HARS2: variants seen among roughly 807,000 people sequenced by gnomAD.
HARS2 encodes histidyl-tRNA synthetase 2, mitochondrial.
HARS2 carries 40 observed loss-of-function variants against 62.4 expected under a neutral mutation model. That is an observed-to-expected ratio of 0.64 (90% CI 0.50 to 0.83). The LOEUF is 0.83. HARS2 is among the 40% of genes least tolerant of loss of function. The probability of loss-of-function intolerance (pLI) is 0.00; values close to 1 mark genes in which losing one functional copy is unlikely to be tolerated. For synonymous variants in HARS2, 228 were observed against 227.0 expected (o/e 1.00, Z -0.04); for missense variants, 569 against 626.4 (o/e 0.91, Z 0.98).
rs1256299737 is a variant in HARS2, at chr5:140,694,922, G to T, written c.400-586G>T. ...GATTGCGCCATTGCACTCCAGCCTG[G>T]GTGACAAGAGCAAAACTCTGTCTCA... is the stretch of plus-strand genomic sequence containing the variant. On this transcript the variant is annotated intron_variant, in intron 4 of 12. Transcript: ENST00000230771. Among the ~76,000 whole-genome samples the T allele has an allele frequency of 1.1e-4, 16 of 152,254 alleles. No homozygotes were observed. In the East Asian group the frequency reaches 2.7e-3, roughly 26 times the overall value.
intron 8 of HARS2, 63 bp from the exon 9 acceptor site, chr5:140,696,880 C>T (rs543473213): frequency 5.2e-5 from 62 of 1,182,252 alleles, no homozygotes; most frequent in Middle Eastern, 5.6e-4. Flanking sequence ...AGCTAGAGCA[C>T]ATTAGGGATA....
chr5:140,693,632 A>C lies in HARS2; in HGVS notation c.150A>C (p.Gln50His), dbSNP rs770057173. ...AVLTSQLKAHQEKPNFIIKTP... is the reference protein window; with the variant it reads ...AVLTSQLKAHHEKPNFIIKTP... ...TAACATCCCAACTGAAAGCACATCA[A>C]GAGAAACCAAATTTTATTATCAAGA... The change falls in exon 2 of 13, where the codon CAA becomes CAC. Residue 50 changes from glutamine (Q) to histidine (H), a missense_variant. Transcript: ENST00000230771. 1.2e-6 allele frequency: 2 copies of C among 1,614,108 alleles called. No homozygotes were observed. The highest frequency in any genetic ancestry group is 8.5e-7 in the Non-Finnish European group (1 of 1,179,940).
At chr5:140,695,447 T>G in intron 4 of HARS2, 61 bp from the exon 5 acceptor site, 1 of 1,596,900 alleles carries the variant, frequency 6.3e-7, no homozygotes. Context: ...CTCCCTAATG[T>G]CTGTATACTG....
intron 11 of HARS2, 93 bp downstream of exon 11, chr5:140,697,778 C>G: frequency 7.9e-7 from 1 of 1,260,398 alleles, no homozygotes; most frequent in Non-Finnish European, 1.2e-6. Context: ...GAACTCAAAA[C>G]CTTTTTAGTC....
Position 140,696,039 on chromosome 5 carries a change from A to T in HARS2, c.634-64A>T, listed in dbSNP as rs1343745224. 26 of 1,173,168 alleles carry T rather than the reference A, an allele frequency of 2.2e-5. No individual in the cohort carries two copies. In the East Asian group the frequency reaches 6.1e-4, roughly 27 times the overall value. 72.7% of individuals were successfully genotyped at this position (1,173,168 alleles called of 1,614,324 possible). On this transcript the variant is annotated intron_variant, in intron 6 of 12. Transcript: ENST00000230771. ...CTTTTTGTGTGTCAGGAAAGTAGGT[A>T]CTGCCATTGTTTTGAGTGGAAGGGC...
At chr5:140,693,331 CAAAAA>C in intron 1 of HARS2, 3 of 567,358 alleles carry the variant, frequency 5.3e-6, no homozygotes, top group Non-Finnish European at 6.0e-6. Flanking sequence ...GACTCTGTCT[CAAAAA>C]AAAAAAAAAA....
In HARS2 at chr5:140,694,181, A is replaced by G. The variant is rs368989873; in HGVS notation, c.304-4A>G. The G allele has an allele frequency of 7.4e-5, 120 of 1,611,242 alleles. 1 individual carries two copies. Among genetic ancestry groups the G allele is most frequent in the South Asian group, 5.6e-4 (51 of 91,018 alleles). On this transcript the variant is annotated splice_polypyrimidine_tract_variant and splice_region_variant and intron_variant, in intron 3 of 12. Transcript: ENST00000230771. ...CTGTGGCTCATTCTGTTTGACCCCTATAGGAAACCCTGACTGAGAAGTATG... is the reference window on the plus strand; with the variant it reads ...CTGTGGCTCATTCTGTTTGACCCCTGTAGGAAACCCTGACTGAGAAGTATG...
chr5:140,695,942 C>T lies in HARS2; in HGVS notation c.633+97C>T, dbSNP rs750937998. Reference sequence around the variant, plus strand: ...TGGGTGACTCCAACCCTTAAGCCTGCAACTGTAGGACTTTCCTAGTAAAGC... The same window carrying T: ...TGGGTGACTCCAACCCTTAAGCCTGTAACTGTAGGACTTTCCTAGTAAAGC... On this transcript the variant is annotated intron_variant, in intron 6 of 12. Transcript: ENST00000230771. 2.2e-5 allele frequency: 22 copies of T among 1,017,780 alleles called. 1 individual carries two copies. The highest frequency in any genetic ancestry group is 3.5e-5 in the Non-Finnish European group (22 of 635,538). The allele number at this position is 1,017,780 out of a possible 1,614,324, so 63.0% of individuals were successfully genotyped here.
At chr5:140,695,942 C>A in intron 6 of HARS2, 97 bp downstream of exon 6, 1 of 1,017,900 alleles carries the variant, frequency 9.8e-7, no homozygotes, top group Non-Finnish European at 1.6e-6. Flanking sequence ...CTTAAGCCTG[C>A]AACTGTAGGA....
At position 140,691,636 on chromosome 5, in the gene HARS2, G is replaced by A; in HGVS notation, c.-13G>A. On this transcript the variant is annotated 5_prime_UTR_variant, in exon 1 of 13. Transcript: ENST00000230771. ...TTTGTTCCTGTCCCGGAAAGCCGGCGTCCTGCCGCGCGATGCCCCTGCTCG... is the reference window on the plus strand; with the variant it reads ...TTTGTTCCTGTCCCGGAAAGCCGGCATCCTGCCGCGCGATGCCCCTGCTCG... 1 of 1,531,750 alleles carries A rather than the reference G, an allele frequency of 6.5e-7. No individual in the cohort carries two copies. The highest frequency in any genetic ancestry group is 8.9e-7 in the Non-Finnish European group (1 of 1,129,718). The allele number at this position is 1,531,750 out of a possible 1,614,324, so 94.9% of individuals were successfully genotyped here.
intron 1 of HARS2, chr5:140,693,371 G>C: frequency 1.2e-6 from 1 of 826,980 alleles, no homozygotes; most frequent in South Asian, 1.6e-5. Flanking sequence ...GAGGAAGCTT[G>C]TGTGGTGAAG....
In HARS2 at chr5:140,691,762, C is replaced by A. The variant is rs1471119048; in HGVS notation, c.108+6C>A. 1.3e-6 allele frequency: 2 copies of A among 1,537,638 alleles called. No homozygotes were observed. Among genetic ancestry groups the A allele is most frequent in the Non-Finnish European group, 1.8e-6 (2 of 1,134,728 alleles). ...CGGTCCGTTGCCAAAGCCAGGTGAG[C>A]GAGACAGAATTATCTCTGGTCTGTC... On this transcript the variant is annotated splice_donor_region_variant and intron_variant, in intron 1 of 12. Transcript: ENST00000230771.
intron 4 of HARS2, among the ~76,000 whole-genome samples, chr5:140,694,593 A>G (rs1562051294): frequency 6.6e-6 from 1 of 152,168 alleles, no homozygotes; most frequent in Non-Finnish European, 1.5e-5. Flanking sequence ...TTGGCCAGAC[A>G]CGTGGCTCAC....
intron 8 of HARS2, 130 bp downstream of exon 8, chr5:140,696,744 C>T: frequency 1.1e-6 from 1 of 931,744 alleles, no homozygotes; most frequent in Non-Finnish European, 1.8e-6. Flanking sequence ...TTTAATTTCT[C>T]TTTTACTTAT....
Position 140,696,989 on chromosome 5 carries a change from C to G in HARS2, c.873C>G (p.Ser291=). The change falls in exon 9 of 13, where the codon TCC becomes TCG. Residue 291 remains serine, a synonymous_variant. Coordinates refer to ENST00000230771, the MANE Select transcript of HARS2 (RefSeq NM_012208.4). ...VEQMFQDPRL[S]QNKQALEGLG... is the part of the protein sequence containing the mutation. ...AAATGTTTCAGGATCCCAGACTATC[C>G]CAGAACAAGCAGGCCCTGGAGGGCC... The G allele has an allele frequency of 6.2e-7, 1 of 1,613,920 alleles. No individual in the cohort carries two copies.
intron 3 of HARS2, 23 bp downstream of exon 3, chr5:140,694,077 G>A (rs760659695): frequency 3.1e-6 from 5 of 1,613,866 alleles, no homozygotes; most frequent in Non-Finnish European, 3.4e-6. Context: ...GAAAGAGTAC[G>A]TGCAACCTCA....
rs1471899621 is a variant in HARS2 at position 140,698,821 on chromosome 5, G to T, written c.*269G>T. 2.0e-6 allele frequency: 1 copy of T among 509,202 alleles called. No homozygotes were observed. Among genetic ancestry groups the T allele is most frequent in the South Asian group, 2.0e-5 (1 of 49,216 alleles). The allele number at this position is 509,202 out of a possible 1,614,324, so 31.5% of individuals were successfully genotyped here. ...AGGCAAATTTGAAGTGCCACGGAAC[G>T]TTGTCAAGAGGTAGTGAGATTGTTG... On this transcript the variant is annotated 3_prime_UTR_variant, in exon 13 of 13. Transcript: ENST00000230771.
chr5:140,698,181 A>G (rs1759834384), intron 12 of HARS2, 103 bp downstream of exon 12: 1 of 1,141,588 alleles, frequency 8.8e-7, no homozygotes, highest in Middle Eastern at 2.3e-4. Flanking sequence ...TTCATGGTTA[A>G]TAGTGGTAGA....
chr5:140,693,616 A>C lies in HARS2; in HGVS notation c.134A>C (p.Gln45Pro). The C allele has an allele frequency of 6.2e-7, 1 of 1,614,126 alleles. No homozygotes were observed. Among genetic ancestry groups the C allele is most frequent in the East Asian group, 2.2e-5 (1 of 44,882 alleles). Reference sequence around the variant, plus strand: ...GTTGCAGAGGCAGTGTTAACATCCCAACTGAAAGCACATCAAGAGAAACCA... The same window carrying C: ...GTTGCAGAGGCAGTGTTAACATCCCCACTGAAAGCACATCAAGAGAAACCA... Reference protein sequence around the residue: ...SQVAEAVLTSQLKAHQEKPNF... With the variant: ...SQVAEAVLTSPLKAHQEKPNF... The change falls in exon 2 of 13, where the codon CAA becomes CCA. Residue 45 changes from glutamine to proline, a missense_variant. Physicochemically the swap from Gln to Pro is moderately conservative, Grantham distance 76. Transcript: ENST00000230771.
Sources: allele counts gnomAD v4.1 joint callset (sites outside exome capture counted in the v4.1 genomes callset), GRCh38; gene constraint gnomAD v4.1.1; transcripts MANE v1.5; gene names NCBI Gene and HGNC (gene_info 2026-07-23, HGNC 2026-07-21).